The following SHC3 variants were observed in gnomAD, a reference collection of about 807,000 sequenced individuals.
The protein encoded by SHC3 is SHC-transforming protein 3.
SHC3 carries 15 observed loss-of-function variants against 60.4 expected under a neutral mutation model. That is an observed-to-expected ratio of 0.25 (90% confidence interval 0.17 to 0.38). The LOEUF is 0.38. Ranked by LOEUF, SHC3 falls within the 10% of genes least tolerant of loss-of-function variation. The probability of loss-of-function intolerance (pLI) is 1.00; values close to 1 mark genes in which losing one functional copy is unlikely to be tolerated. For missense variants in SHC3, 677 were observed against 786.1 expected (o/e 0.86, Z 1.66); for synonymous variants, 294 against 325.9 (o/e 0.90, Z 1.05).
At position 89,067,246 on chromosome 9, in the gene SHC3, A is replaced by G. The variant is rs1825198695; in HGVS notation, c.784-1666T>C. ...GTAATCATAGGCACTTCCTGAACTCACAAGACGTGAATGTCAGAAGGATCC... is the reference window on the plus strand; with the variant it reads ...GTAATCATAGGCACTTCCTGAACTCGCAAGACGTGAATGTCAGAAGGATCC... On this transcript the variant is annotated intron_variant, in intron 5 of 11. Transcript: ENST00000375835. Among the ~76,000 whole-genome samples, 3 of 152,380 alleles carry G rather than the reference A, an allele frequency of 2.0e-5. No individual in the cohort carries two copies. In the South Asian group the frequency reaches 6.2e-4, roughly 32 times the overall value.
chr9:89,155,132 C>T (rs1448640824), intron 1 of SHC3, among the ~76,000 whole-genome samples: 1 of 152,186 alleles, frequency 6.6e-6, no homozygotes, highest in Non-Finnish European at 1.5e-5. Flanking sequence ...TGCTGACCCC[C>T]TCTCTGTGCA....
rs117897008 is a variant in SHC3, at chr9:89,041,658, C to T, written c.1360+368G>A. Among the ~76,000 whole-genome samples, 9 of 152,326 alleles carry T rather than the reference C, an allele frequency of 5.9e-5. No homozygotes were observed. The East Asian group carries it at 1.5e-3, about 26-fold the overall frequency. ...ATAGACCTAGAGATCCGTGGAAACA[C>T]GGGCCATGCCATTTCATCTTTGCAT... is the stretch of plus-strand genomic sequence containing the variant. On this transcript the variant is annotated intron_variant, in intron 10 of 11. Transcript: ENST00000375835.
intron 7 of SHC3, among the ~76,000 whole-genome samples, chr9:89,050,475 G>A (rs1047774262): frequency 2.6e-5 from 4 of 152,052 alleles, no homozygotes; most frequent in East Asian, 1.9e-4. Flanking sequence ...TAGTAGAGAC[G>A]GGATTTCACT....
At chr9:89,016,178 T>G (rs567160040) in intron 11 of SHC3, among the ~76,000 whole-genome samples, 21 of 151,988 alleles carry the variant, frequency 1.4e-4, no homozygotes, top group African/African-American at 4.6e-4. Context: ...AAAAAAAGAT[T>G]ATAAGACCCA....
At chr9:89,025,703 A>T (rs1181675708) in intron 11 of SHC3, among the ~76,000 whole-genome samples, 3 of 152,224 alleles carry the variant, frequency 2.0e-5, no homozygotes, top group Non-Finnish European at 4.4e-5. Context: ...TAGCAATAAG[A>T]CACCCAATTC....
In SHC3 at chr9:89,093,776, G is replaced by A. The variant is rs114324454; in HGVS notation, c.546-15873C>T. 3.6e-3 allele frequency among the ~76,000 whole-genome samples: 544 copies of A among 152,270 alleles called. 2 individuals are homozygous for A. The highest frequency in any genetic ancestry group is 0.012 in the African/African-American group (512 of 41,560). Reference sequence around the variant, plus strand: ...TCTGGGTGACTATTACTTGGTGAATGCATACATAAAACTCCAATGAACAAC... The same window carrying A: ...TCTGGGTGACTATTACTTGGTGAATACATACATAAAACTCCAATGAACAAC... On this transcript the variant is annotated intron_variant, in intron 2 of 11. Transcript: ENST00000375835.
intron 1 of SHC3, among the ~76,000 whole-genome samples, chr9:89,136,647 G>A (rs1357052826): frequency 6.6e-6 from 1 of 152,162 alleles, no homozygotes; most frequent in African/African-American, 2.4e-5. Flanking sequence ...CCATAGAAAT[G>A]GGCAACCAGC....
At chr9:89,133,613 G>T (rs925440388) in intron 1 of SHC3, among the ~76,000 whole-genome samples, 1 of 152,130 alleles carries the variant, frequency 6.6e-6, no homozygotes. Flanking sequence ...CCTTTGTAGG[G>T]ACATGGATGA....
Position 89,110,868 on chromosome 9 carries a change from T to A in SHC3, c.545+1688A>T, listed in dbSNP as rs575131855. Among the ~76,000 whole-genome samples the A allele has an allele frequency of 9.2e-5, 14 of 152,312 alleles. No individual in the cohort carries two copies. The South Asian group carries it at 2.9e-3, about 32-fold the overall frequency. ...ATCAAAACCTCCAAACCCATCAGTG[T>A]CTGTTCCAACTGCTTTCTTCTACAA... On this transcript the variant is annotated intron_variant, in intron 2 of 11. Coordinates refer to ENST00000375835, the MANE Select transcript of SHC3 (RefSeq NM_016848.6).
Position 89,035,830 on chromosome 9 carries a change from A to AAAAAATATATATAT in SHC3, c.1656+2162_1656+2163insATATATATATTTTT, listed in dbSNP as rs1432811585. Among the ~76,000 whole-genome samples the AAAAAATATATATAT allele has an allele frequency of 5.6e-5, 6 of 106,440 alleles. No homozygotes were observed. The Admixed American group carries it at 6.4e-4, about 11-fold the overall frequency. The allele number at this position is 106,440 out of a possible 152,430, so 69.8% of individuals were successfully genotyped here. A position where few individuals can be genotyped will look rare whatever the true frequency, so the allele number is the denominator to read the frequency against. On this transcript the variant is annotated intron_variant, in intron 11 of 11. Coordinates refer to ENST00000375835, the MANE Select transcript of SHC3 (RefSeq NM_016848.6). ...AAACAAGCAAAAAACAAACAAACAAAATATATATATATATATATAGATGTG... is the reference window on the plus strand; with the variant it reads ...AAACAAGCAAAAAACAAACAAACAAAAAAAATATATATATATATATATATATATATATAGATGTG...
Position 89,043,088 on chromosome 9 carries a change from G to A in SHC3, c.1202-904C>T, listed in dbSNP as rs113668703. Among the ~76,000 whole-genome samples the A allele has an allele frequency of 9.8e-3, 1,488 of 152,366 alleles. 19 individuals are homozygous for A. Among genetic ancestry groups the A allele is most frequent in the African/African-American group, 0.026 (1,087 of 41,586 alleles). On this transcript the variant is annotated intron_variant, in intron 9 of 11. Coordinates refer to ENST00000375835, the MANE Select transcript of SHC3 (RefSeq NM_016848.6). ...CCTGTGGTATTCACATTTCTGGAAA[G>A]AGGGTGTCTTTCATACCCTATGGGC...
At chr9:89,097,404 C>T (rs184779959) in intron 2 of SHC3, among the ~76,000 whole-genome samples, 114 of 152,302 alleles carry the variant, frequency 7.5e-4, no homozygotes, top group Admixed American at 2.2e-3. Context: ...TATACAAAAG[C>T]ACTGTGCCAA....
At chr9:89,076,718 A>G (rs907003531) in intron 3 of SHC3, among the ~76,000 whole-genome samples, 2 of 152,204 alleles carry the variant, frequency 1.3e-5, no homozygotes, top group African/African-American at 4.8e-5. Context: ...CACAGTTGTC[A>G]TCATCTGTAA....
intron 1 of SHC3, among the ~76,000 whole-genome samples, chr9:89,116,527 A>T (rs1226581589): frequency 1.3e-5 from 2 of 152,162 alleles, no homozygotes; most frequent in Non-Finnish European, 2.9e-5. Context: ...AATACCACCA[A>T]CACCAACACC....
At chr9:89,173,517 A>G (rs1455410579) in intron 1 of SHC3, among the ~76,000 whole-genome samples, 1 of 152,268 alleles carries the variant, frequency 6.6e-6, no homozygotes, top group Non-Finnish European at 1.5e-5. Flanking sequence ...TTTCTTAAAC[A>G]TGAATATAAA....
rs528726817 is a variant in SHC3, at chr9:89,142,990, G to A, written c.475-30364C>T. Among the ~76,000 whole-genome samples the A allele has an allele frequency of 2.0e-5, 3 of 152,214 alleles. No individual in the cohort carries two copies. The South Asian group carries it at 6.2e-4, about 32-fold the overall frequency. On this transcript the variant is annotated intron_variant, in intron 1 of 11. Transcript: ENST00000375835. ...ACCAGAAAGATGTTACCAGAAATGG[G>A]TCCTGATCCAGACTCAAGAGAGGGA...
chr9:89,154,434 T>C (rs946461312), intron 1 of SHC3, among the ~76,000 whole-genome samples: 1 of 152,150 alleles, frequency 6.6e-6, no homozygotes, highest in African/African-American at 2.4e-5. Flanking sequence ...ACAGGCCCTG[T>C]GAGGAGGGGA....
At chr9:89,045,923 T>A (rs558968502) in intron 8 of SHC3, 90 bp from the exon 9 acceptor site, 2 of 1,311,594 alleles carry the variant, frequency 1.5e-6, no homozygotes, top group African/African-American at 2.9e-5. Flanking sequence ...GGCGAGTTGA[T>A]CCTTAAGGTG....
intron 6 of SHC3, among the ~76,000 whole-genome samples, chr9:89,057,024 T>C (rs558346589): frequency 3.0e-4 from 45 of 152,342 alleles, no homozygotes; most frequent in Middle Eastern, 3.4e-3. Context: ...TGGCTGCTGA[T>C]CCAGACACCA....
Sources: allele counts gnomAD v4.1 joint callset (sites outside exome capture counted in the v4.1 genomes callset), GRCh38; gene constraint gnomAD v4.1.1; transcripts MANE v1.5; gene names NCBI Gene and HGNC (gene_info 2026-07-23, HGNC 2026-07-21).